Variants in BOC observed in about 807,000 individuals in gnomAD.
BOC encodes the protein brother of CDO.
Under a neutral mutation model 112.0 loss-of-function variants are expected in BOC, and 76 were observed. That is an observed-to-expected ratio of 0.68 (90% CI 0.56 to 0.82). The LOEUF (loss-of-function observed/expected upper bound fraction) is 0.82, where lower values mean the gene tolerates loss of function less well. Ranked by LOEUF, BOC falls within the 40% of genes least tolerant of loss-of-function variation. The pLI, the probability that BOC is intolerant of heterozygous loss-of-function variation, is 0.00. For synonymous variants in BOC, 580 were observed against 599.8 expected (o/e 0.97, Z 0.48); for missense variants, 1,309 against 1,511.7 (o/e 0.87, Z 2.22).
At chr3:113,248,872 G>A (rs1299497651) in intron 2 of BOC, among the ~76,000 whole-genome samples, 1 of 152,200 alleles carries the variant, frequency 6.6e-6, no homozygotes, top group African/African-American at 2.4e-5. Flanking sequence ...TCAAAGCAAT[G>A]TTGTTCTGGG....
intron 15 of BOC, among the ~76,000 whole-genome samples, chr3:113,282,535 A>C (rs771420478): frequency 6.6e-6 from 1 of 152,342 alleles, no homozygotes; most frequent in East Asian, 1.9e-4. Context: ...TTGGAGGCTT[A>C]CTGAGTCTTT....
intron 13 of BOC, 57 bp downstream of exon 13, chr3:113,280,062 C>T: frequency 6.6e-7 from 1 of 1,508,560 alleles, no homozygotes. Context: ...AATGCCCTTC[C>T]CTGTGAGCCT....
intron 2 of BOC, among the ~76,000 whole-genome samples, chr3:113,240,949 G>A (rs1944212379): frequency 6.6e-6 from 1 of 152,308 alleles, no homozygotes; most frequent in African/African-American, 2.4e-5. Context: ...TAGCTTGGCT[G>A]TGGCAGACCA....
chr3:113,275,723 C>T (rs190034941), intron 9 of BOC, among the ~76,000 whole-genome samples: 61 of 152,332 alleles, frequency 4.0e-4, no homozygotes, highest in South Asian at 3.5e-3. Flanking sequence ...CCTCCACAAA[C>T]AAGCAAGAAA....
At position 113,268,401 on chromosome 3, in the gene BOC, A is replaced by G. The variant is rs1318638808; in HGVS notation, c.479A>G (p.Gln160Arg). ...CHLPESHPKA[Q>R]VRYSVKQEWL... is the part of the protein sequence containing the mutation. ...CTGCCTGAGAGCCACCCCAAAGCCC[A>G]GGTCCGGTACAGCGTCAAACAAGAG... Residue 160 changes from glutamine (Q) to arginine (R), a missense_variant, in exon 5 of 20, where the codon CAG (glutamine) becomes CGG (arginine). Physicochemically the swap from Gln to Arg is conservative, Grantham distance 43 (BLOSUM62 1). Transcript: ENST00000682979. 1.2e-6 allele frequency: 2 copies of G among 1,614,034 alleles called. No individual in the cohort carries two copies. Among genetic ancestry groups the G allele is most frequent in the Admixed American group, 1.7e-5 (1 of 60,002 alleles).
chr3:113,283,333 G>A, intron 15 of BOC, 78 bp from the exon 16 acceptor site: 1 of 1,391,024 alleles, frequency 7.2e-7, no homozygotes. Context: ...CATGGAATGG[G>A]GGTATTTTTT....
In BOC at chr3:113,285,439, C is replaced by T; in HGVS notation, c.3034C>T (p.Leu1012=). Reference sequence around the variant, plus strand: ...ACTGCCCGACGACTCCACTCACCAGCTGCTGCAGCCCCATCACGACTGCTG... The same window carrying T: ...ACTGCCCGACGACTCCACTCACCAGTTGCTGCAGCCCCATCACGACTGCTG... ...YTLPDDSTHQ[L]LQPHHDCCQR... is the part of the protein sequence containing the mutation. Residue 1012 remains leucine (L), a synonymous_variant, in exon 19 of 20, where the codon CTG becomes TTG. Transcript: ENST00000682979. The T allele has an allele frequency of 6.2e-7, 1 of 1,614,048 alleles. No individual in the cohort carries two copies. The highest frequency in any genetic ancestry group is 8.5e-7 in the Non-Finnish European group (1 of 1,179,958).
At chr3:113,248,584 G>C (rs1447018443) in intron 2 of BOC, among the ~76,000 whole-genome samples, 4 of 152,154 alleles carry the variant, frequency 2.6e-5, no homozygotes, top group Admixed American at 2.0e-4. Context: ...GCCTAATAAG[G>C]CTGTTGATAC....
chr3:113,275,450 C>G (rs1009441643), intron 9 of BOC, among the ~76,000 whole-genome samples: 9 of 152,226 alleles, frequency 5.9e-5, no homozygotes, highest in Non-Finnish European at 1.0e-4. Context: ...AGGCCGTGCT[C>G]TTACCTGCCG....
chr3:113,257,674 C>A (rs1396044302), intron 4 of BOC, among the ~76,000 whole-genome samples: 1 of 152,104 alleles, frequency 6.6e-6, no homozygotes, highest in Non-Finnish European at 1.5e-5. Context: ...TCATTTCCAA[C>A]AGTCATTATA....
intron 4 of BOC, 83 bp from the exon 5 acceptor site, chr3:113,268,216 C>CA: frequency 6.4e-7 from 1 of 1,566,422 alleles, no homozygotes; most frequent in South Asian, 1.2e-5. Flanking sequence ...TCATGACTGA[C>CA]AACACCAAGG....
chr3:113,225,404 C>T (rs193068717), intron 2 of BOC, among the ~76,000 whole-genome samples: 1 of 152,302 alleles, frequency 6.6e-6, no homozygotes, highest in African/African-American at 2.4e-5. Flanking sequence ...AGGAATGAGA[C>T]TCACAGCACA....
intron 2 of BOC, among the ~76,000 whole-genome samples, chr3:113,225,848 G>A (rs550002211): frequency 2.6e-5 from 4 of 152,308 alleles, no homozygotes; most frequent in African/African-American, 9.6e-5. Flanking sequence ...AGAAGCCTTG[G>A]CCCTTGCCTC....
Position 113,284,442 on chromosome 3 carries a change from T to A in BOC, c.2764T>A (p.Tyr922Asn). The A allele has an allele frequency of 6.2e-7, 1 of 1,614,220 alleles. No individual in the cohort carries two copies. The highest frequency in any genetic ancestry group is 8.5e-7 in the Non-Finnish European group (1 of 1,180,008). ...AGGCCACCAGGCCAGTGGACAGCCC[T>A]ACCTCAGTGGCATCAGTGGACGGGC... ...LPGHQASGQP[Y>N]LSGISGRACA... Residue 922 changes from tyrosine to asparagine, a missense_variant, in exon 17 of 20, where the codon TAC becomes AAC. By Grantham distance (143) the Tyr-to-Asn change is moderately radical. Transcript: ENST00000682979.
chr3:113,284,225 C>A, intron 16 of BOC, 110 bp from the exon 17 acceptor site: 1 of 871,710 alleles, frequency 1.1e-6, no homozygotes, highest in South Asian at 1.5e-5. Flanking sequence ...TCCCTGCCTA[C>A]GTCCTTCAAC....
intron 2 of BOC, among the ~76,000 whole-genome samples, chr3:113,233,877 G>A (rs1208134918): frequency 4.3e-5 from 6 of 140,734 alleles, no homozygotes; most frequent in South Asian, 2.6e-4. Context: ...GAACCACGGC[G>A]GGCTCCCAAA....
rs556800320 is a variant in BOC at position 113,221,385 on chromosome 3, A to G, written c.-82+5111A>G. On this transcript the variant is annotated intron_variant, in intron 2 of 19. Transcript: ENST00000682979. ...TGAGGATGGAGAGATAGAGGAACACATGGAGGGGCAAGGCCCTGCCTCAGG... is the reference window on the plus strand; with the variant it reads ...TGAGGATGGAGAGATAGAGGAACACGTGGAGGGGCAAGGCCCTGCCTCAGG... Among the ~76,000 whole-genome samples the G allele has an allele frequency of 2.4e-4, 37 of 152,304 alleles. No homozygotes were observed. The South Asian group carries it at 7.5e-3, about 31-fold the overall frequency.
At chr3:113,247,493 C>CTGAT (rs1336074089) in intron 2 of BOC, among the ~76,000 whole-genome samples, 13 of 82,336 alleles carry the variant, frequency 1.6e-4, no homozygotes, top group Non-Finnish European at 2.4e-4. Context: ...TTTCAGAGCC[C>CTGAT]TGATAGGAAA....
rs903529007 is a variant in BOC at position 113,286,769 on chromosome 3, C to T, written c.3255C>T (p.Pro1085=). Reference sequence around the variant, plus strand: ...GAGGAGACTGGTGTCCCCAGCACCCCGTAGGGGCCTACGTAGGACAGGAAC... The same window carrying T: ...GAGGAGACTGGTGTCCCCAGCACCCTGTAGGGGCCTACGTAGGACAGGAAC... ...VSGGDWCPQH[P]VGAYVGQEPG... Residue 1085 remains proline, a synonymous_variant, in exon 20 of 20, where the codon CCC becomes CCT. Coordinates refer to ENST00000682979, the MANE Select transcript of BOC (RefSeq NM_001378074.1). The T allele has an allele frequency of 1.5e-5, 24 of 1,613,684 alleles. No homozygotes were observed. Among genetic ancestry groups the T allele is most frequent in the Admixed American group, 1.3e-4 (8 of 60,002 alleles).
Sources: allele counts gnomAD v4.1 joint callset (sites outside exome capture counted in the v4.1 genomes callset), GRCh38; gene constraint gnomAD v4.1.1; transcripts MANE v1.5; gene names NCBI Gene and HGNC (gene_info 2026-07-23, HGNC 2026-07-21).